Variants in GTF2A1L observed in about 807,000 individuals in gnomAD.
GTF2A1L encodes the protein TFIIA-alpha and beta-like factor.
A neutral mutation model predicts 49.7 loss-of-function variants in GTF2A1L; 48 were observed. That is an observed-to-expected ratio of 0.97 (90% CI 0.77 to 1.23). GTF2A1L has a LOEUF of 1.23. Ranked by LOEUF, GTF2A1L falls within the 50% of genes most tolerant of loss-of-function variation. The pLI is 0.00. For missense variants in GTF2A1L, 736 were observed against 564.8 expected (o/e 1.30, Z -3.07); for synonymous variants, 246 against 193.5 (o/e 1.27, Z -2.25).
intron 3 of GTF2A1L, among the ~76,000 whole-genome samples, chr2:48,624,781 T>G (rs1486576973): frequency 7.0e-6 from 1 of 142,154 alleles, no homozygotes; most frequent in Non-Finnish European, 1.6e-5. Flanking sequence ...TTTTAACATA[T>G]AAATGAGATC....
At chr2:48,666,226 G>A (rs1389501133) in intron 6 of GTF2A1L, among the ~76,000 whole-genome samples, 1 of 147,712 alleles carries the variant, frequency 6.8e-6, no homozygotes, top group African/African-American at 2.5e-5. Flanking sequence ...TTTTTTTTGA[G>A]ATGGTGTCTC....
At chr2:48,635,459 C>G (rs1248151093) in intron 3 of GTF2A1L, among the ~76,000 whole-genome samples, 1 of 151,936 alleles carries the variant, frequency 6.6e-6, no homozygotes, top group African/African-American at 2.4e-5. Context: ...GCAGAGGGGA[C>G]CCCACTTCAC....
intron 6 of GTF2A1L, among the ~76,000 whole-genome samples, chr2:48,657,754 G>A (rs1445289701): frequency 9.8e-6 from 1 of 102,174 alleles, no homozygotes; most frequent in Non-Finnish European, 2.1e-5. Context: ...AGCCTTGCTG[G>A]AATCTCTTGT....
At chr2:48,640,607 A>T (rs534242766) in intron 3 of GTF2A1L, among the ~76,000 whole-genome samples, 55 of 152,288 alleles carry the variant, frequency 3.6e-4, no homozygotes, top group African/African-American at 1.3e-3. Context: ...TAATGAAATA[A>T]TCTGTAAAAC....
At chr2:48,638,647 C>T (rs559246172) in intron 3 of GTF2A1L, among the ~76,000 whole-genome samples, 19 of 152,200 alleles carry the variant, frequency 1.2e-4, no homozygotes, top group African/African-American at 4.3e-4. Context: ...TGAATGCATT[C>T]CCCTTGAAAA....
chr2:48,634,799 C>T (rs753048729), intron 3 of GTF2A1L, among the ~76,000 whole-genome samples: 3 of 152,194 alleles, frequency 2.0e-5, no homozygotes, highest in Non-Finnish European at 4.4e-5. Context: ...TGTACAGGAT[C>T]TGACCTTTTT....
chr2:48,666,582 A>G (rs1678853558), intron 6 of GTF2A1L, among the ~76,000 whole-genome samples: 1 of 97,090 alleles, frequency 1.0e-5, no homozygotes, highest in Admixed American at 1.2e-4. Flanking sequence ...TCAACTTGTC[A>G]GGGTGTGTGT....
chr2:48,638,728 G>A (rs1677040977), intron 3 of GTF2A1L, among the ~76,000 whole-genome samples: 1 of 152,026 alleles, frequency 6.6e-6, no homozygotes, highest in Admixed American at 6.6e-5. Context: ...AGCTATAGCA[G>A]TCAGGCAAGA....
At chr2:48,651,796 T>C (rs895102205) in intron 6 of GTF2A1L, among the ~76,000 whole-genome samples, 4 of 152,206 alleles carry the variant, frequency 2.6e-5, no homozygotes, top group Non-Finnish European at 5.9e-5. Context: ...AGCCCTTGTT[T>C]GATCCTTGGG....
chr2:48,677,882 T>C (rs1679559257), intron 8 of GTF2A1L, among the ~76,000 whole-genome samples: 1 of 151,918 alleles, frequency 6.6e-6, no homozygotes, highest in Non-Finnish European at 1.5e-5. Context: ...TGACTTGAGC[T>C]CTTAGAAGAA....
chr2:48,650,142 T>A (rs1466614840), intron 6 of GTF2A1L, among the ~76,000 whole-genome samples: 1 of 152,190 alleles, frequency 6.6e-6, no homozygotes, highest in Non-Finnish European at 1.5e-5. Flanking sequence ...ATTGATATGT[T>A]CTCTTTGCAT....
At chr2:48,646,242 T>A (rs750513968) in intron 5 of GTF2A1L, among the ~76,000 whole-genome samples, 16 of 151,908 alleles carry the variant, frequency 1.1e-4, no homozygotes, top group Non-Finnish European at 8.8e-5. Context: ...GCAAAACATA[T>A]GTAATTAAAA....
At chr2:48,622,009 G>A (rs1381132296) in intron 3 of GTF2A1L, among the ~76,000 whole-genome samples, 1 of 151,954 alleles carries the variant, frequency 6.6e-6, no homozygotes, top group African/African-American at 2.4e-5. Flanking sequence ...ATGTATACTC[G>A]CATACAAACA....
At chr2:48,666,100 A>G (rs1268787337) in intron 6 of GTF2A1L, among the ~76,000 whole-genome samples, 1 of 152,050 alleles carries the variant, frequency 6.6e-6, no homozygotes. Flanking sequence ...ATATTAATAT[A>G]GCAGTTTCAG....
chr2:48,638,154 A>G (rs911147797), intron 3 of GTF2A1L, among the ~76,000 whole-genome samples: 4 of 152,182 alleles, frequency 2.6e-5, no homozygotes, highest in Non-Finnish European at 5.9e-5. Flanking sequence ...CTGATGTACG[A>G]AGAAGAGCTG....
intron 6 of GTF2A1L, among the ~76,000 whole-genome samples, chr2:48,663,441 A>G (rs1182700840): frequency 6.6e-6 from 1 of 152,172 alleles, no homozygotes; most frequent in Non-Finnish European, 1.5e-5. Flanking sequence ...ATCTCAATCA[A>G]TCTGAATCAA....
At position 48,659,419 on chromosome 2, in the gene GTF2A1L, A is replaced by T. The variant is rs114132233; in HGVS notation, c.979-10303A>T. On this transcript the variant is annotated intron_variant, in intron 6 of 8. Coordinates refer to ENST00000403751, the MANE Select transcript of GTF2A1L (RefSeq NM_006872.5). ...GAAATCAAGAAATTTAAGACTTTCA[A>T]TTTGATTCTTCTTTTTCAAGATTGT... Among the ~76,000 whole-genome samples the T allele has an allele frequency of 7.2e-5, 11 of 152,194 alleles. 1 individual carries two copies. Among genetic ancestry groups the T allele is most frequent in the African/African-American group, 2.6e-4 (11 of 41,550 alleles).
At chr2:48,656,828 G>A (rs75965013) in intron 6 of GTF2A1L, among the ~76,000 whole-genome samples, 1 of 151,966 alleles carries the variant, frequency 6.6e-6, no homozygotes, top group African/African-American at 2.4e-5. Flanking sequence ...TATAGTTTTA[G>A]TTCTTATCTT....
chr2:48,633,024 G>T, intron 3 of GTF2A1L: 1 of 240,904 alleles, frequency 4.2e-6, no homozygotes, highest in South Asian at 5.6e-5. Flanking sequence ...GTCATAAAAG[G>T]TTTTACTGTT....
Sources: gnomAD v4.1 joint callset for allele counts (sites outside exome capture counted in the v4.1 genomes callset) on GRCh38, gnomAD v4.1.1 for gene constraint, MANE v1.5 for transcripts, NCBI Gene and HGNC (gene_info 2026-07-23, HGNC 2026-07-21) for gene names.